Variants in SLC39A13 observed in about 807,000 individuals in gnomAD.
SLC39A13 encodes zinc transporter ZIP13.
In SLC39A13, 18 loss-of-function variants were observed where a neutral mutation model predicts 38.7. That is an observed-to-expected ratio of 0.47 (90% CI 0.32 to 0.69). The LOEUF is 0.69. SLC39A13 is among the 30% of genes least tolerant of loss of function. The pLI, the probability that SLC39A13 is intolerant of heterozygous loss-of-function variation, is 0.03. For synonymous variants in SLC39A13, 212 were observed against 219.1 expected, an observed-to-expected ratio of 0.97 and a Z score of 0.29; for missense variants, 395 against 490.7, an observed-to-expected ratio of 0.80 and a Z score of 1.84.
At chr11:47,414,650 T>C in intron 7 of SLC39A13, 127 bp from the exon 8 acceptor site, 2 of 1,535,932 alleles carry the variant, frequency 1.3e-6, no homozygotes, top group Non-Finnish European at 1.8e-6. Context: ...ATCTCTGCCA[T>C]ACTCAGGATG....
rs1565668570 is a variant in SLC39A13, at chr11:47,415,066, C to T, written c.947C>T (p.Thr316Met). The T allele has an allele frequency of 6.8e-6, 11 of 1,613,274 alleles. No homozygotes were observed. Among genetic ancestry groups the T allele is most frequent in the East Asian group, 2.2e-5 (1 of 44,836 alleles). Residue 316 changes from threonine to methionine, a missense_variant, in exon 9 of 10, where the codon ACG becomes ATG. Transcript: ENST00000362021. The stretch of plus-strand genomic sequence containing the variant: ...GGGTGTTCTCCCGCTGCAGAGGAGA[C>T]GGCAGCCTGGGTCCTGCCCTTCACC... ...VVGCSPAAEE[T>M]AAWVLPFTSG...
Position 47,410,287 on chromosome 11 carries a change from C to T in SLC39A13, c.193C>T (p.Leu65=). 6.2e-7 allele frequency: 1 copy of T among 1,614,152 alleles called. No individual in the cohort carries two copies. The highest frequency in any genetic ancestry group is 8.5e-7 in the Non-Finnish European group (1 of 1,180,022). ...GGGGGCTCTGCTGAGCGGAGAGCGGCTGGACACCTGGATCTGCTCCCTCCT... is the reference window on the plus strand; with the variant it reads ...GGGGGCTCTGCTGAGCGGAGAGCGGTTGGACACCTGGATCTGCTCCCTCCT... ...SWGALLSGER[L]DTWICSLLGS... is the part of the protein sequence containing the mutation. Residue 65 remains leucine, a synonymous_variant, in exon 2 of 10, where the codon CTG becomes TTG. Coordinates refer to ENST00000362021, the MANE Select transcript of SLC39A13 (RefSeq NM_001128225.3).
At position 47,409,655 on chromosome 11, in the gene SLC39A13, T is replaced by G. The variant is rs908786414; in HGVS notation, c.-8-432T>G. On this transcript the variant is annotated intron_variant, in intron 1 of 9. Transcript: ENST00000362021. ...GTCTTGCCCTGGCTCATCTGCTCAG[T>G]TTCCCCACGTATGTCTCTCTGAATC... is the stretch of plus-strand genomic sequence containing the variant. The G allele has an allele frequency of 4.3e-5, 9 of 208,010 alleles. No homozygotes were observed. In the East Asian group the frequency reaches 9.9e-4, roughly 23 times the overall value. 12.9% of individuals were successfully genotyped at this position (208,010 alleles called of 1,614,324 possible). A position where few individuals can be genotyped will look rare whatever the true frequency, so the allele number is the denominator to read the frequency against.
Position 47,413,666 on chromosome 11 carries a change from A to G in SLC39A13, c.715A>G (p.Ser239Gly). Residue 239 changes from serine (S) to glycine (G), a missense_variant, in exon 6 of 10, where the codon AGC (serine) becomes GGC (glycine). By Grantham distance (56) the Ser-to-Gly change is moderately conservative. Transcript: ENST00000362021. ...NFTHGLAVAA[S>G]FLVSKKIGLL... is the part of the protein sequence containing the mutation. ...CACCCACGGGCTGGCTGTGGCTGCCAGCTTCCTTGTGAGCAAGAAGGTGAG... is the reference window on the plus strand; with the variant it reads ...CACCCACGGGCTGGCTGTGGCTGCCGGCTTCCTTGTGAGCAAGAAGGTGAG... The G allele has an allele frequency of 1.2e-6, 2 of 1,614,150 alleles. No homozygotes were observed. The highest frequency in any genetic ancestry group is 2.2e-5 in the South Asian group (2 of 91,082).
chr11:47,415,595 C>T lies in SLC39A13; in HGVS notation c.*232C>T, dbSNP rs2096023785. On this transcript the variant is annotated 3_prime_UTR_variant, in exon 10 of 10. Transcript: ENST00000362021. ...CTGGGTCCGGGGCCCAGTGTAGCGC[C>T]TGTCCCCAGCCATGCTGTGGTTACC... 9.5e-6 allele frequency: 6 copies of T among 634,534 alleles called. No individual in the cohort carries two copies. The highest frequency in any genetic ancestry group is 1.7e-5 in the Non-Finnish European group (6 of 348,904). The allele number at this position is 634,534 out of a possible 1,614,324, so 39.3% of individuals were successfully genotyped here. A position where few individuals can be genotyped will look rare whatever the true frequency, so the allele number is the denominator to read the frequency against.
Position 47,415,174 on chromosome 11 carries a change from G to T in SLC39A13, c.1040+15G>T, listed in dbSNP as rs754870122. On this transcript the variant is annotated intron_variant, in intron 9 of 9. Transcript: ENST00000362021. ...GAGGACCCGTGGTGAGTGACCTGTT[G>T]GAGGAAGAGGACTGCCACTCACAGG... 9 of 1,611,312 alleles carry T rather than the reference G, an allele frequency of 5.6e-6. No individual in the cohort carries two copies. The highest frequency in any genetic ancestry group is 7.6e-6 in the Non-Finnish European group (9 of 1,178,728).
In SLC39A13 at chr11:47,412,442, A is replaced by G; in HGVS notation, c.512A>G (p.Asp171Gly). The change falls in exon 4 of 10, where the codon GAC becomes GGC. Residue 171 changes from aspartate to glycine, a missense_variant. Coordinates refer to ENST00000362021, the MANE Select transcript of SLC39A13 (RefSeq NM_001128225.3). ...CTGGCGTTGGAGAAGATGTTCCTGG[A>G]CAGCAAGGAGGAGGGGACCAGCCAG... is the stretch of plus-strand genomic sequence containing the variant. Reference protein sequence around the residue: ...TFLALEKMFLDSKEEGTSQAP... With the variant: ...TFLALEKMFLGSKEEGTSQAP... 1 of 1,614,166 alleles carries G rather than the reference A, an allele frequency of 6.2e-7. No individual in the cohort carries two copies. The highest frequency in any genetic ancestry group is 8.5e-7 in the Non-Finnish European group (1 of 1,180,004).
chr11:47,414,176 G>A, intron 6 of SLC39A13: 1 of 613,252 alleles, frequency 1.6e-6, no homozygotes, highest in Non-Finnish European at 2.9e-6. Context: ...TGCTCCCCTG[G>A]GCACTCTATC....
chr11:47,410,254 G>A lies in SLC39A13; in HGVS notation c.160G>A (p.Glu54Lys), dbSNP rs1464034148. ...CTGTCGCCTGGACAACAAGGAAAGCGAGTCCTGGGGGGCTCTGCTGAGCGG... is the reference window on the plus strand; with the variant it reads ...CTGTCGCCTGGACAACAAGGAAAGCAAGTCCTGGGGGGCTCTGCTGAGCGG... Reference protein sequence around the residue: ...TACRLDNKESESWGALLSGER... With the variant: ...TACRLDNKESKSWGALLSGER... The change falls in exon 2 of 10, where the codon GAG becomes AAG. Residue 54 changes from glutamate (E) to lysine (K), a missense_variant. Glu to Lys is a moderately conservative substitution (Grantham distance 56). Coordinates refer to ENST00000362021, the MANE Select transcript of SLC39A13 (RefSeq NM_001128225.3). The A allele has an allele frequency of 6.8e-6, 11 of 1,614,030 alleles. No individual in the cohort carries two copies. Among genetic ancestry groups the A allele is most frequent in the Non-Finnish European group, 8.5e-6 (10 of 1,180,036 alleles).
chr11:47,413,993 A>G, intron 6 of SLC39A13: 1 of 676,612 alleles, frequency 1.5e-6, no homozygotes, highest in Non-Finnish European at 2.7e-6. Context: ...GCCCAGAGGC[A>G]GCCTACTCTG....
In SLC39A13 at chr11:47,414,075, C is replaced by T. The variant is rs370401446; in HGVS notation, c.736-350C>T. The T allele has an allele frequency of 1.8e-4, 112 of 610,572 alleles. 3 individuals carry two copies. The South Asian group carries it at 2.0e-3, about 11-fold the overall frequency. The allele number at this position is 610,572 out of a possible 1,614,324, so 37.8% of individuals were successfully genotyped here. A position where few individuals can be genotyped will look rare whatever the true frequency, so the allele number is the denominator to read the frequency against. ...AATGTTCTCCCGCCCACGCTTCGAGCGGCTGACGACTCATCCTTGGGGCCT... is the reference window on the plus strand; with the variant it reads ...AATGTTCTCCCGCCCACGCTTCGAGTGGCTGACGACTCATCCTTGGGGCCT... On this transcript the variant is annotated intron_variant, in intron 6 of 9. Transcript: ENST00000362021.
At position 47,412,335 on chromosome 11, in the gene SLC39A13, G is replaced by A. The variant is rs367832083; in HGVS notation, c.416-11G>A. ...TGGCCTGGCCTGGCCTGGCATTGCCGCCCCCTGCAGGTGGTGAGGGGCAGA... is the reference window on the plus strand; with the variant it reads ...TGGCCTGGCCTGGCCTGGCATTGCCACCCCCTGCAGGTGGTGAGGGGCAGA... On this transcript the variant is annotated splice_polypyrimidine_tract_variant and intron_variant, in intron 3 of 9. Transcript: ENST00000362021. The A allele has an allele frequency of 2.7e-5, 43 of 1,611,052 alleles. No individual in the cohort carries two copies. Among genetic ancestry groups the A allele is most frequent in the Admixed American group, 5.1e-5 (3 of 59,302 alleles).
Position 47,410,214 on chromosome 11 carries a change from G to A in SLC39A13, c.120G>A (p.Arg40=). 3 of 1,613,994 alleles carry A rather than the reference G, an allele frequency of 1.9e-6. No individual in the cohort carries two copies. Among genetic ancestry groups the A allele is most frequent in the Non-Finnish European group, 2.5e-6 (3 of 1,180,008 alleles). The change falls in exon 2 of 10, where the codon CGG becomes CGA. Residue 40 remains arginine, a synonymous_variant. Coordinates refer to ENST00000362021, the MANE Select transcript of SLC39A13 (RefSeq NM_001128225.3). ...AGGSQPALRS[R]GTATACRLDN... is the part of the protein sequence containing the mutation. ...GTTCCCAGCCGGCCCTCCGGAGCCG[G>A]GGGACTGCGACGGCCTGTCGCCTGG...
chr11:47,411,902 A>T lies in SLC39A13; in HGVS notation c.302-24A>T, dbSNP rs200162580. 1.1e-4 allele frequency: 173 copies of T among 1,605,970 alleles called. 1 individual carries two copies. In the Admixed American group the frequency reaches 2.9e-3, roughly 27 times the overall value. On this transcript the variant is annotated intron_variant, in intron 2 of 9. Transcript: ENST00000362021. Reference sequence around the variant, plus strand: ...CAGGAGCTCCAGCCAGTCAGCCCCCAGACCCCGCATCTCTCCCTTGTAGCT... The same window carrying T: ...CAGGAGCTCCAGCCAGTCAGCCCCCTGACCCCGCATCTCTCCCTTGTAGCT...
rs193241154 is a variant in SLC39A13, at chr11:47,416,421, C to G, written c.*1058C>G. 6.6e-6 allele frequency: 1 copy of G among 152,550 alleles called. No individual in the cohort carries two copies. The highest frequency in any genetic ancestry group is 2.4e-5 in the African/African-American group (1 of 41,582). The allele number at this position is 152,550 out of a possible 1,614,324, so 9.4% of individuals were successfully genotyped here. A position where few individuals can be genotyped will look rare whatever the true frequency, so the allele number is the denominator to read the frequency against. ...TCGAGAGGTCTGGATGGTTTTATAGCAACTTTGCTGTGATTCCGTTTGTAT... is the reference window on the plus strand; with the variant it reads ...TCGAGAGGTCTGGATGGTTTTATAGGAACTTTGCTGTGATTCCGTTTGTAT... On this transcript the variant is annotated 3_prime_UTR_variant, in exon 10 of 10. Transcript: ENST00000362021.
intron 6 of SLC39A13, chr11:47,414,208 T>TGTGA (rs1048820546): frequency 1.6e-6 from 1 of 626,056 alleles, no homozygotes; most frequent in African/African-American, 1.8e-5. Context: ...TCCCAGCGCC[T>TGTGA]GTGAGTGTGT....
At chr11:47,413,084 C>T (rs751487204) in intron 4 of SLC39A13, among the ~76,000 whole-genome samples, 5 of 151,952 alleles carry the variant, frequency 3.3e-5, no homozygotes, top group African/African-American at 7.3e-5. Context: ...TGCAGTGGCG[C>T]GATCTCGGCT....
At chr11:47,410,630 G>A (rs894559429) in intron 2 of SLC39A13, among the ~76,000 whole-genome samples, 12 of 152,126 alleles carry the variant, frequency 7.9e-5, no homozygotes, top group African/African-American at 2.9e-4. Context: ...TCTAGGAGAT[G>A]GGGATGTGGG....
At position 47,414,874 on chromosome 11, in the gene SLC39A13, G is replaced by T. The variant is rs777109385; in HGVS notation, c.884G>T (p.Gly295Val). The change falls in exon 8 of 10, where the codon GGC becomes GTC. Residue 295 changes from glycine to valine, a missense_variant. Gly to Val is a moderately radical substitution (Grantham distance 109). Transcript: ENST00000362021. ...STALGGLLGA[G>V]FAICTQSPKG... is the part of the protein sequence containing the mutation. The stretch of plus-strand genomic sequence containing the variant: ...GCGCTGGGGGGCCTACTGGGCGCTG[G>T]CTTCGCCATCTGTACCCAGTCCCCC... 4 of 1,612,558 alleles carry T rather than the reference G, an allele frequency of 2.5e-6. No individual in the cohort carries two copies. Among genetic ancestry groups the T allele is most frequent in the Non-Finnish European group, 3.4e-6 (4 of 1,179,932 alleles).
Sources: allele counts gnomAD v4.1 joint callset (sites outside exome capture counted in the v4.1 genomes callset), GRCh38; gene constraint gnomAD v4.1.1; transcripts MANE v1.5; gene names NCBI Gene and HGNC (gene_info 2026-07-23, HGNC 2026-07-21).